The following ELMO1 variants were observed in gnomAD, a reference collection of about 807,000 sequenced individuals.
ELMO1 encodes engulfment and cell motility 1.
ELMO1 carries 26 observed loss-of-function variants against 98.9 expected under a neutral mutation model. That is an observed-to-expected ratio of 0.26 (90% confidence interval 0.19 to 0.36). The LOEUF (loss-of-function observed/expected upper bound fraction) is 0.36, where lower values mean the gene tolerates loss of function less well. Ranked by LOEUF, ELMO1 falls within the 10% of genes least tolerant of loss-of-function variation. The pLI is 1.00. For synonymous variants in ELMO1, 346 were observed against 346.0 expected, an observed-to-expected ratio of 1.00 and a Z score of 0.00; for missense variants, 627 against 935.2, an observed-to-expected ratio of 0.67 and a Z score of 4.30.
At chr7:37,143,933 A>C (rs1787813440) in intron 13 of ELMO1, among the ~76,000 whole-genome samples, 1 of 150,994 alleles carries the variant, frequency 6.6e-6, no homozygotes, top group African/African-American at 2.4e-5. Flanking sequence ...CTGGTCTCAA[A>C]CTCCTGACCT....
At chr7:37,133,792 C>T (rs2129300434) in intron 13 of ELMO1, among the ~76,000 whole-genome samples, 1 of 152,290 alleles carries the variant, frequency 6.6e-6, no homozygotes, top group East Asian at 1.9e-4. Context: ...TCCACAGGGT[C>T]CTGACATCTG....
At chr7:37,086,787 C>CA (rs1316389354) in intron 15 of ELMO1, among the ~76,000 whole-genome samples, 67 of 147,132 alleles carry the variant, frequency 4.6e-4, no homozygotes, top group African/African-American at 1.1e-3. Flanking sequence ...ACTTTCTTGC[C>CA]AAAAAAAAAT....
At chr7:37,235,723 A>C (rs1217638206) in intron 7 of ELMO1, among the ~76,000 whole-genome samples, 1 of 152,240 alleles carries the variant, frequency 6.6e-6, no homozygotes, top group Non-Finnish European at 1.5e-5. Context: ...ACCTGAGGTC[A>C]GGAGTTCGAG....
chr7:37,175,921 A>C (rs999476129), intron 13 of ELMO1, among the ~76,000 whole-genome samples: 2 of 152,178 alleles, frequency 1.3e-5, no homozygotes, highest in Non-Finnish European at 2.9e-5. Flanking sequence ...CTCTGTTCTC[A>C]GTGTATAAGA....
intron 1 of ELMO1, among the ~76,000 whole-genome samples, chr7:37,360,679 G>A (rs1025688546): frequency 6.6e-6 from 1 of 152,086 alleles, no homozygotes; most frequent in African/African-American, 2.4e-5. Context: ...CCAATACTCA[G>A]CCCAACTGAG....
intron 13 of ELMO1, among the ~76,000 whole-genome samples, chr7:37,175,626 G>C (rs542017189): frequency 1.3e-5 from 2 of 152,244 alleles, no homozygotes; most frequent in African/African-American, 4.8e-5. Flanking sequence ...CAGGCAGATT[G>C]CCTGAGCTCA....
At chr7:36,958,827 C>T (rs1788688696) in intron 16 of ELMO1, among the ~76,000 whole-genome samples, 1 of 151,854 alleles carries the variant, frequency 6.6e-6, no homozygotes, top group African/African-American at 2.4e-5. Flanking sequence ...GGACCCCTTC[C>T]CTGTCTCCAC....
rs57584545 is a variant in ELMO1 at position 37,337,523 on chromosome 7, TAAAA to T, written c.78+5086_78+5089del. 6.1e-3 allele frequency among the ~76,000 whole-genome samples: 804 copies of T among 132,636 alleles called. 5 individuals carry two copies. The highest frequency in any genetic ancestry group is 0.041 in the South Asian group (174 of 4,222). The allele number at this position is 132,636 out of a possible 152,430, so 87.0% of individuals were successfully genotyped here. A position where few individuals can be genotyped will look rare whatever the true frequency, so the allele number is the denominator to read the frequency against. On this transcript the variant is annotated intron_variant, in intron 2 of 21. Coordinates refer to ENST00000310758, the MANE Select transcript of ELMO1 (RefSeq NM_014800.11). ...CACATGTACCCTAAAACTTAAAGTATAAAAAAAAAAAAAAAAAAACACCTATGTG... is the reference window on the plus strand; with the variant it reads ...CACATGTACCCTAAAACTTAAAGTATAAAAAAAAAAAAAAACACCTATGTG...
At chr7:37,277,288 G>GA (rs1290933470) in intron 4 of ELMO1, among the ~76,000 whole-genome samples, 32 of 152,384 alleles carry the variant, frequency 2.1e-4, no homozygotes, top group African/African-American at 7.5e-4. Flanking sequence ...GTGATGCAGA[G>GA]AGAGGGGAAG....
chr7:36,956,652 T>A (rs1487689800), intron 16 of ELMO1, among the ~76,000 whole-genome samples: 1 of 152,232 alleles, frequency 6.6e-6, no homozygotes, highest in African/African-American at 2.4e-5. Flanking sequence ...GATGCCATCT[T>A]GTGACAGCTT....
chr7:36,938,755 A>G (rs559954278), intron 16 of ELMO1, among the ~76,000 whole-genome samples: 4 of 152,108 alleles, frequency 2.6e-5, no homozygotes, highest in Non-Finnish European at 5.9e-5. Flanking sequence ...GGAAAATCCT[A>G]TTTCTCTATT....
intron 6 of ELMO1, among the ~76,000 whole-genome samples, chr7:37,251,903 G>C (rs1039355503): frequency 2.0e-5 from 3 of 152,140 alleles, no homozygotes; most frequent in Non-Finnish European, 4.4e-5. Flanking sequence ...CAAAATCAAT[G>C]TGCAAAAATC....
intron 14 of ELMO1, among the ~76,000 whole-genome samples, chr7:37,100,431 C>T (rs1279859167): frequency 7.0e-6 from 1 of 143,138 alleles, no homozygotes; most frequent in African/African-American, 2.6e-5. Context: ...ATGGCTTGGG[C>T]ATGACCATGA....
At chr7:36,979,562 A>G (rs1048468146) in intron 16 of ELMO1, among the ~76,000 whole-genome samples, 3 of 152,166 alleles carry the variant, frequency 2.0e-5, no homozygotes, top group Non-Finnish European at 4.4e-5. Context: ...ATCAATCTCT[A>G]AAGCTAAAAG....
At position 36,854,948 on chromosome 7, in the gene ELMO1, T is replaced by C. The variant is rs1802087763; in HGVS notation, c.*603A>G. Reference sequence around the variant, plus strand: ...TTTGGGAAATTTATGCTAGGGAGGATCACGAGGAGGCTGCGGCTGCTGCTC... The same window carrying C: ...TTTGGGAAATTTATGCTAGGGAGGACCACGAGGAGGCTGCGGCTGCTGCTC... On this transcript the variant is annotated 3_prime_UTR_variant, in exon 22 of 22. Coordinates refer to ENST00000310758, the MANE Select transcript of ELMO1 (RefSeq NM_014800.11). The C allele has an allele frequency of 6.3e-6, 1 of 159,356 alleles. No individual in the cohort carries two copies. The highest frequency in any genetic ancestry group is 2.4e-5 in the African/African-American group (1 of 41,462). The allele number at this position is 159,356 out of a possible 1,614,324, so 9.9% of individuals were successfully genotyped here.
intron 4 of ELMO1, among the ~76,000 whole-genome samples, chr7:37,309,305 A>G (rs1798777708): frequency 6.6e-6 from 1 of 152,202 alleles, no homozygotes; most frequent in Non-Finnish European, 1.5e-5. Flanking sequence ...TACCACGAGA[A>G]CAGTACGGAG....
chr7:37,114,973 T>C (rs1230528599), intron 14 of ELMO1, among the ~76,000 whole-genome samples: 2 of 152,122 alleles, frequency 1.3e-5, no homozygotes, highest in African/African-American at 2.4e-5. Context: ...TATGAACAAG[T>C]CTATGCTCAA....
At chr7:37,125,580 C>A (rs974961684) in intron 14 of ELMO1, among the ~76,000 whole-genome samples, 5 of 152,066 alleles carry the variant, frequency 3.3e-5, no homozygotes, top group Admixed American at 3.3e-4. Context: ...AGCAAAAGCA[C>A]AAAGAGATAC....
chr7:37,280,724 A>T (rs1263562652), intron 4 of ELMO1, among the ~76,000 whole-genome samples: 1 of 152,116 alleles, frequency 6.6e-6, no homozygotes, highest in Non-Finnish European at 1.5e-5. Context: ...TGGATGTGGT[A>T]AACAGAGAAC....
Sources: gnomAD v4.1 joint callset for allele counts (sites outside exome capture counted in the v4.1 genomes callset) on GRCh38, gnomAD v4.1.1 for gene constraint, MANE v1.5 for transcripts, NCBI Gene and HGNC (gene_info 2026-07-23, HGNC 2026-07-21) for gene names.